Variants in EP400 observed in about 807,000 individuals in gnomAD.
The protein encoded by EP400 is E1A-binding protein p400.
EP400 carries 105 observed loss-of-function variants against 354.1 expected under a neutral mutation model. The ratio of observed to expected loss-of-function variants is 0.30; its 90% confidence interval spans 0.25 to 0.35. The LOEUF (loss-of-function observed/expected upper bound fraction) is 0.35. Ranked by LOEUF, EP400 falls within the 10% of genes least tolerant of loss-of-function variation. EP400 has a pLI of 1.00. For missense variants in EP400, 3,280 were observed against 4,121.0 expected, an observed-to-expected ratio of 0.80 and a Z score of 5.59; for synonymous variants, 1,646 against 1,716.9, an observed-to-expected ratio of 0.96 and a Z score of 1.02.
Position 131,992,097 on chromosome 12 carries a change from A to G in EP400, c.2680-76A>G, listed in dbSNP as rs566730009. 5.9e-6 allele frequency: 9 copies of G among 1,522,898 alleles called. No homozygotes were observed. The African/African-American group carries it at 8.2e-5, about 14-fold the overall frequency. The allele number at this position is 1,522,898 out of a possible 1,614,324, so 94.3% of individuals were successfully genotyped here. On this transcript the variant is annotated intron_variant, in intron 10 of 52. Coordinates refer to ENST00000389561, the MANE Select transcript of EP400 (RefSeq NM_015409.5). ...CCCCGGGGCTCCCCCAACCTGTCCC[A>G]TGGACACTGCTGTCTTGGTTTCCCA...
intron 32 of EP400, among the ~76,000 whole-genome samples, chr12:132,040,228 G>A (rs886068160): frequency 7.2e-5 from 11 of 152,044 alleles, no homozygotes; most frequent in African/African-American, 2.7e-4. Context: ...GAGTGTTGGC[G>A]AGGACATGGA....
At chr12:132,035,581 G>T (rs1306294785) in intron 30 of EP400, among the ~76,000 whole-genome samples, 1 of 149,124 alleles carries the variant, frequency 6.7e-6, no homozygotes, top group Non-Finnish European at 1.5e-5. Context: ...CACACGGAAC[G>T]TCATGGAAGG....
rs1457118787 is a variant in EP400 at position 132,062,535 on chromosome 12, AGCAGCAG to A, written c.8169_8175del (p.Gln2723HisfsTer52). On this transcript the variant is annotated frameshift_variant, in exon 47 of 53. Transcript: ENST00000389561. LOFTEE classifies it high-confidence loss of function. ...TTCCAGCTTCTCAGGCAGCAGCAGC[AGCAGCAG>A]CAACAACAGCAGCAGCAGCAGCAGC... The A allele has an allele frequency of 1.2e-6, 2 of 1,604,370 alleles. No homozygotes were observed. Among genetic ancestry groups the A allele is most frequent in the Non-Finnish European group, 1.7e-6 (2 of 1,175,942 alleles).
intron 1 of EP400, among the ~76,000 whole-genome samples, chr12:131,951,450 G>A (rs1020803136): frequency 6.6e-6 from 1 of 152,120 alleles, no homozygotes; most frequent in African/African-American, 2.4e-5. Flanking sequence ...CCTAGTGCTG[G>A]GACTGTAGGC....
In EP400 at chr12:131,987,944, T is replaced by C. The variant is rs558854772; in HGVS notation, c.2409+54T>C. On this transcript the variant is annotated intron_variant, in intron 7 of 52. Transcript: ENST00000389561. Reference sequence around the variant, plus strand: ...CTGTGTGCGTTGGTGGGGGCTTGAGTTTGCAGTGGTGTAAGTGGTGGGGAG... The same window carrying C: ...CTGTGTGCGTTGGTGGGGGCTTGAGCTTGCAGTGGTGTAAGTGGTGGGGAG... 9 of 1,461,190 alleles carry C rather than the reference T, an allele frequency of 6.2e-6. No individual in the cohort carries two copies. In the East Asian group the frequency reaches 2.3e-4, roughly 37 times the overall value. 90.5% of individuals were successfully genotyped at this position (1,461,190 alleles called of 1,614,324 possible). A position where few individuals can be genotyped will look rare whatever the true frequency, so the allele number is the denominator to read the frequency against.
intron 2 of EP400, among the ~76,000 whole-genome samples, chr12:131,969,753 T>C (rs1750813648): frequency 6.6e-6 from 1 of 152,182 alleles, no homozygotes; most frequent in Non-Finnish European, 1.5e-5. Context: ...TTTTATACAA[T>C]TGAAGATAAC....
chr12:131,977,687 C>A (rs1417820024), intron 2 of EP400, among the ~76,000 whole-genome samples: 1 of 152,094 alleles, frequency 6.6e-6, no homozygotes, highest in East Asian at 1.9e-4. Context: ...TTCTTTCCTC[C>A]CTCTCTTTGT....
chr12:132,075,003 G>T lies in EP400; in HGVS notation c.9022-1513G>T, dbSNP rs537629526. ...AGGTGCCACAGGAACACTGCTTGGTGTGTGGCTCAGGCTTTCACTCAGCTC... is the reference window on the plus strand; with the variant it reads ...AGGTGCCACAGGAACACTGCTTGGTTTGTGGCTCAGGCTTTCACTCAGCTC... On this transcript the variant is annotated intron_variant, in intron 51 of 52. Coordinates refer to ENST00000389561, the MANE Select transcript of EP400 (RefSeq NM_015409.5). The surrounding 1 kb of genome is among the most constrained non-coding windows in gnomAD (Gnocchi z 4.5). Among the ~76,000 whole-genome samples, 152 of 152,274 alleles carry T rather than the reference G, an allele frequency of 1.0e-3. No individual in the cohort carries two copies. The highest frequency in any genetic ancestry group is 2.0e-3 in the Non-Finnish European group (135 of 68,016).
At position 132,027,764 on chromosome 12, in the gene EP400, T is replaced by C. The variant is rs1379746000; in HGVS notation, c.5109+233T>C. On this transcript the variant is annotated intron_variant, in intron 26 of 52. Transcript: ENST00000389561. This position sits in a 1 kb window ranked among gnomAD's most constrained non-coding sequence, Gnocchi z 4.9. ...CTGCAAGTCTTCCTGGGCATTAGAA[T>C]TGCTCACTTGTGTCTTGAGAAATAC... 6.6e-6 allele frequency among the ~76,000 whole-genome samples: 1 copy of C among 152,248 alleles called. No homozygotes were observed. The highest frequency in any genetic ancestry group is 1.5e-5 in the Non-Finnish European group (1 of 68,046).
At chr12:131,970,468 G>A (rs1316470110) in intron 2 of EP400, among the ~76,000 whole-genome samples, 1 of 152,224 alleles carries the variant, frequency 6.6e-6, no homozygotes, top group Non-Finnish European at 1.5e-5. Context: ...AGAGACTCTT[G>A]TGTTTGTGCA....
In EP400 at chr12:131,960,706, G is replaced by T. The variant is rs760837331; in HGVS notation, c.87G>T (p.Pro29=). ...CTGGCAGCGAGGGTGAGGAGCAGCC[G>T]GCCCACCCCAACCCACCCCCGTCCC... ...ACPGSEGEEQ[P]AHPNPPPSPA... Residue 29 remains proline, a synonymous_variant, in exon 2 of 53, where the codon CCG becomes CCT. Transcript: ENST00000389561. 7 of 1,552,254 alleles carry T rather than the reference G, an allele frequency of 4.5e-6. No individual in the cohort carries two copies. The highest frequency in any genetic ancestry group is 2.4e-5 in the East Asian group (1 of 42,060).
intron 2 of EP400, among the ~76,000 whole-genome samples, chr12:131,962,165 G>A (rs1891906746): frequency 6.6e-6 from 1 of 152,208 alleles, no homozygotes; most frequent in East Asian, 1.9e-4. Flanking sequence ...AAGTGTGTCA[G>A]GAGGAAGGGA....
Position 132,013,078 on chromosome 12 carries a change from G to A in EP400, c.3511G>A (p.Ala1171Thr), listed in dbSNP as rs961156559. ...CACTCAGTTCTTCCGGGGCCTCACC[G>A]CCTTCACACGAGTGCGCTGGAAGTG... ...SYTQFFRGLT[A>T]FTRVRWKCLV... Residue 1171 changes from alanine (A) to threonine (T), a missense_variant, in exon 17 of 53, where the codon GCC becomes ACC. This residue lies in a region of EP400 where 242 missense variants were observed against 357.9 expected (regional missense o/e 0.68). Coordinates refer to ENST00000389561, the MANE Select transcript of EP400 (RefSeq NM_015409.5). This position sits in a 1 kb window ranked among gnomAD's most constrained non-coding sequence, Gnocchi z 4.5. The A allele has an allele frequency of 2.0e-5, 32 of 1,613,914 alleles. No individual in the cohort carries two copies. Among genetic ancestry groups the A allele is most frequent in the African/African-American group, 2.7e-5 (2 of 74,918 alleles).
At chr12:131,972,752 G>A (rs1420018506) in intron 2 of EP400, among the ~76,000 whole-genome samples, 7 of 48,094 alleles carry the variant, frequency 1.5e-4, no homozygotes, top group African/African-American at 4.4e-4. Flanking sequence ...TTTTTTTTGT[G>A]ACGGAGTCTC....
intron 23 of EP400, among the ~76,000 whole-genome samples, chr12:132,022,599 A>C (rs879426319): frequency 1.3e-5 from 2 of 152,226 alleles, no homozygotes; most frequent in Admixed American, 6.5e-5. Context: ...AGTTGGGGGC[A>C]AATGACCACA....
chr12:132,066,476 G>A, intron 48 of EP400: 2 of 356,698 alleles, frequency 5.6e-6, no homozygotes, highest in Non-Finnish European at 1.0e-5. Context: ...TGCGGTTACT[G>A]GTTCAGGAGA....
At chr12:132,005,903 A>G (rs958512987) in intron 13 of EP400, among the ~76,000 whole-genome samples, 4 of 152,188 alleles carry the variant, frequency 2.6e-5, no homozygotes, top group South Asian at 2.1e-4. Flanking sequence ...GCTTTCCAGA[A>G]TGGTCCTTGG....
Position 132,006,704 on chromosome 12 carries a change from A to G in EP400, c.3131A>G (p.Lys1044Arg). The G allele has an allele frequency of 2.5e-6, 4 of 1,589,892 alleles. No homozygotes were observed. Among genetic ancestry groups the G allele is most frequent in the Non-Finnish European group, 3.4e-6 (4 of 1,170,942 alleles). The change falls in exon 15 of 53, where the codon AAG becomes AGG. Residue 1044 changes from lysine (K) to arginine (R), a missense_variant. Coordinates refer to ENST00000389561, the MANE Select transcript of EP400 (RefSeq NM_015409.5). The part of the protein sequence containing the change: ...KGSARVTTSV[K>R]FNAPSLLYGA... Reference sequence around the variant, plus strand: ...TTTATTTGTTCATCACTGCAGGTCAAGTTTAATGCTCCATCTTTGTTGTAT... The same window carrying G: ...TTTATTTGTTCATCACTGCAGGTCAGGTTTAATGCTCCATCTTTGTTGTAT...
intron 2 of EP400, among the ~76,000 whole-genome samples, chr12:131,967,750 A>G (rs1198576411): frequency 6.6e-6 from 1 of 151,264 alleles, no homozygotes; most frequent in African/African-American, 2.4e-5. Flanking sequence ...TGCCTGTACC[A>G]TTTTGTGTTC....
Sources: gnomAD v4.1 joint callset for allele counts (sites outside exome capture counted in the v4.1 genomes callset) on GRCh38, gnomAD v4.1.1 for gene constraint, gnomAD v4.1.1 regional missense constraint, Gnocchi (gnomAD v3.1) non-coding constraint, MANE v1.5 for transcripts, NCBI Gene and HGNC (gene_info 2026-07-23, HGNC 2026-07-21) for gene names.